GRIK1: variants seen among roughly 807,000 people sequenced by gnomAD.
GRIK1 encodes the protein glutamate ionotropic receptor kainate type subunit 1, also known as glutamate receptor ionotropic, kainate 1.
GRIK1 carries 69 observed loss-of-function variants against 105.7 expected under a neutral mutation model. That is an observed-to-expected ratio of 0.65 (90% confidence interval 0.54 to 0.80). The LOEUF (loss-of-function observed/expected upper bound fraction) is 0.80, where lower values mean the gene tolerates loss of function less well. Among genes scored for constraint, GRIK1 ranks in the 30% least tolerant of loss-of-function variants. The pLI is 0.00. For synonymous variants in GRIK1, 438 were observed against 431.3 expected (o/e 1.02, Z -0.19); for missense variants, 1,109 against 1,167.3 (o/e 0.95, Z 0.73).
intron 1 of GRIK1, among the ~76,000 whole-genome samples, chr21:29,780,061 T>C (rs1030916902): frequency 1.3e-5 from 2 of 152,226 alleles, no homozygotes; most frequent in Non-Finnish European, 2.9e-5. Flanking sequence ...TTTACTCATC[T>C]GTAGAACGGG....
At chr21:29,891,397 A>G (rs2069893268) in intron 1 of GRIK1, among the ~76,000 whole-genome samples, 1 of 152,202 alleles carries the variant, frequency 6.6e-6, no homozygotes, top group South Asian at 2.1e-4. Context: ...GTACTTTATC[A>G]ACATGCTTTT....
chr21:29,588,636 A>G (rs941620845), intron 11 of GRIK1, among the ~76,000 whole-genome samples: 1 of 152,170 alleles, frequency 6.6e-6, no homozygotes, highest in African/African-American at 2.4e-5. Context: ...AAAACAAACT[A>G]ATGCACCATA....
Position 29,939,505 on chromosome 21 carries a change from C to T in GRIK1, c.-5G>A, listed in dbSNP as rs552442858. On this transcript the variant is annotated 5_prime_UTR_variant, in exon 1 of 18. Coordinates refer to ENST00000327783, the MANE Select transcript of GRIK1 (RefSeq NM_001330994.2). ...GAGGAGTGTGCCGTGCTCCATCTTC[C>T]TAGCTTCTTAATTCATGCCGAGATA... is the stretch of plus-strand genomic sequence containing the variant. 1.9e-6 allele frequency: 3 copies of T among 1,553,862 alleles called. No homozygotes were observed. In the Admixed American group the frequency reaches 5.7e-5, roughly 29 times the overall value.
In GRIK1 at chr21:29,756,108, G is replaced by A. The variant is rs189961784; in HGVS notation, c.119-62045C>T. 1.2e-4 allele frequency among the ~76,000 whole-genome samples: 19 copies of A among 152,330 alleles called. No individual in the cohort carries two copies. The East Asian group carries it at 3.7e-3, about 29-fold the overall frequency. ...GATATTTAAAATAAACGGGCCGGGC[G>A]CGGTGGCTCACGCCTGTAATCCCAG... On this transcript the variant is annotated intron_variant, in intron 1 of 17. Coordinates refer to ENST00000327783, the MANE Select transcript of GRIK1 (RefSeq NM_001330994.2).
At chr21:29,646,704 A>T (rs1012624411) in intron 6 of GRIK1, among the ~76,000 whole-genome samples, 3 of 152,228 alleles carry the variant, frequency 2.0e-5, no homozygotes, top group African/African-American at 7.2e-5. Flanking sequence ...CCTAATATTC[A>T]GAGATCAAAT....
At chr21:29,811,269 A>G (rs74443516) in intron 1 of GRIK1, among the ~76,000 whole-genome samples, 4,828 of 152,232 alleles carry the variant, frequency 0.032, 127 homozygotes, top group Middle Eastern at 0.071. Flanking sequence ...AAGGCATTAG[A>G]CAAGGTCAGA....
chr21:29,812,436 C>G (rs968546227), intron 1 of GRIK1, among the ~76,000 whole-genome samples: 1 of 152,090 alleles, frequency 6.6e-6, no homozygotes, highest in African/African-American at 2.4e-5. Context: ...GAATCCTTTG[C>G]CATTTGTTCT....
intron 1 of GRIK1, among the ~76,000 whole-genome samples, chr21:29,936,532 C>A (rs1339424357): frequency 1.3e-5 from 2 of 152,174 alleles, no homozygotes; most frequent in Non-Finnish European, 2.9e-5. Flanking sequence ...ATGACTCCAG[C>A]AGCTCCACAC....
intron 1 of GRIK1, among the ~76,000 whole-genome samples, chr21:29,727,664 C>T (rs969161119): frequency 3.9e-5 from 6 of 152,098 alleles, no homozygotes; most frequent in South Asian, 2.1e-4. Context: ...TGTAAATGTC[C>T]GGAACTGTCC....
chr21:29,548,390 A>C (rs1174502187), intron 16 of GRIK1, among the ~76,000 whole-genome samples: 1 of 152,246 alleles, frequency 6.6e-6, no homozygotes, highest in Non-Finnish European at 1.5e-5. Context: ...AGCAAAAATG[A>C]TTTTAAAATG....
intron 1 of GRIK1, among the ~76,000 whole-genome samples, chr21:29,740,249 C>G (rs1036090113): frequency 2.6e-5 from 4 of 151,138 alleles, no homozygotes; most frequent in Admixed American, 2.6e-4. Flanking sequence ...GACAGAGTCT[C>G]CCTCTGTCAC....
Position 29,909,415 on chromosome 21 carries a change from G to A in GRIK1, c.118+29968C>T, listed in dbSNP as rs187686450. On this transcript the variant is annotated intron_variant, in intron 1 of 17. Transcript: ENST00000327783. ...CTGAGAGATCTCTGGTCATTAATAT[G>A]TAATTATGTTACATTATGTTCTACT... 1.1e-3 allele frequency among the ~76,000 whole-genome samples: 168 copies of A among 151,668 alleles called. 1 individual carries two copies. Among genetic ancestry groups the A allele is most frequent in the Admixed American group, 2.0e-3 (30 of 15,228 alleles).
chr21:29,566,657 A>G (rs971186683), intron 14 of GRIK1, among the ~76,000 whole-genome samples: 2 of 151,808 alleles, frequency 1.3e-5, no homozygotes, highest in African/African-American at 4.9e-5. Flanking sequence ...TGAAAATAGT[A>G]ACAGCAACCA....
chr21:29,630,463 G>T, intron 7 of GRIK1: 1 of 470,300 alleles, frequency 2.1e-6, no homozygotes, highest in Non-Finnish European at 4.4e-6. Flanking sequence ...CTGCAGGGGA[G>T]GGCTGACCTA....
intron 1 of GRIK1, among the ~76,000 whole-genome samples, chr21:29,930,358 A>C (rs916426886): frequency 8.5e-5 from 13 of 152,188 alleles, no homozygotes; most frequent in African/African-American, 2.9e-4. Context: ...AACATTTTAG[A>C]AGTTTAAAAT....
chr21:29,701,978 G>A (rs970541397), intron 1 of GRIK1, among the ~76,000 whole-genome samples: 2 of 152,190 alleles, frequency 1.3e-5, no homozygotes, highest in Non-Finnish European at 2.9e-5. Flanking sequence ...CTTGGGACAT[G>A]ATTCTTTTGT....
intron 1 of GRIK1, among the ~76,000 whole-genome samples, chr21:29,823,034 C>T (rs977404189): frequency 1.3e-5 from 2 of 151,920 alleles, no homozygotes; most frequent in African/African-American, 2.4e-5. Context: ...ATGTGTGATC[C>T]TGGATAAGGT....
chr21:29,553,530 A>AT, intron 16 of GRIK1: 2 of 1,482,650 alleles, frequency 1.3e-6, no homozygotes, highest in Admixed American at 2.3e-5. Context: ...TACTGGGCAC[A>AT]TCTTTTTTTT....
chr21:29,717,259 G>T (rs1200559889), intron 1 of GRIK1, among the ~76,000 whole-genome samples: 1 of 152,206 alleles, frequency 6.6e-6, no homozygotes, highest in Non-Finnish European at 1.5e-5. Context: ...CAGGGTTGGA[G>T]CCCCCACACA....
Sources: allele counts gnomAD v4.1 joint callset (sites outside exome capture counted in the v4.1 genomes callset), GRCh38; gene constraint gnomAD v4.1.1; transcripts MANE v1.5; gene names NCBI Gene and HGNC (gene_info 2026-07-23, HGNC 2026-07-21).